Variants in DLGAP1 observed in about 807,000 individuals in gnomAD.
The protein encoded by DLGAP1 is disks large-associated protein 1.
In DLGAP1, 11 loss-of-function variants were observed where a neutral mutation model predicts 90.8. The ratio of observed to expected loss-of-function variants is 0.12; its 90% CI spans 0.08 to 0.20. The LOEUF (loss-of-function observed/expected upper bound fraction) is 0.20, where lower values mean the gene tolerates loss of function less well. Ranked by LOEUF, DLGAP1 falls within the 10% of genes least tolerant of loss-of-function variation. DLGAP1 has a pLI of 1.00. For missense variants in DLGAP1, 1,050 were observed against 1,333.8 expected, an observed-to-expected ratio of 0.79 and a Z score of 3.31; for synonymous variants, 558 against 540.7, an observed-to-expected ratio of 1.03 and a Z score of -0.44.
intron 5 of DLGAP1, among the ~76,000 whole-genome samples, chr18:3,812,482 G>A (rs1010318298): frequency 6.6e-6 from 1 of 151,940 alleles, no homozygotes; most frequent in African/African-American, 2.4e-5. Flanking sequence ...ACCTTATCTG[G>A]AAATAGAGTC....
chr18:4,164,221 G>GC lies in DLGAP1; in HGVS notation c.-266-12935dup, dbSNP rs546508899. Among the ~76,000 whole-genome samples the GC allele has an allele frequency of 2.0e-3, 306 of 151,932 alleles. 1 individual carries two copies. Among genetic ancestry groups the GC allele is most frequent in the Non-Finnish European group, 2.5e-3 (169 of 67,970 alleles). Reference sequence around the variant, plus strand: ...GAGTCCCTAATTTAACGGATAAAAGGCCCAAGATACCATTAAAAAAAGAAA... The same window carrying GC: ...GAGTCCCTAATTTAACGGATAAAAGGCCCCAAGATACCATTAAAAAAAGAAA... On this transcript the variant is annotated intron_variant, in intron 1 of 12. Coordinates refer to ENST00000315677, the MANE Select transcript of DLGAP1 (RefSeq NM_004746.4).
chr18:4,112,031 T>C (rs1212803977), intron 2 of DLGAP1, among the ~76,000 whole-genome samples: 1 of 151,742 alleles, frequency 6.6e-6, no homozygotes, highest in Non-Finnish European at 1.5e-5. Flanking sequence ...TGGTTATTTA[T>C]TTGAGATCTT....
intron 1 of DLGAP1, among the ~76,000 whole-genome samples, chr18:4,169,962 C>T (rs960584680): frequency 4.6e-5 from 7 of 152,174 alleles, no homozygotes; most frequent in African/African-American, 1.7e-4. Context: ...AATCCACTCA[C>T]TCTACATTAC....
At chr18:3,659,720 C>T (rs1276716453) in intron 7 of DLGAP1, among the ~76,000 whole-genome samples, 1 of 152,114 alleles carries the variant, frequency 6.6e-6, no homozygotes, top group Non-Finnish European at 1.5e-5. Context: ...CACGCCTGAC[C>T]ACACCCAGCT....
chr18:4,189,711 G>A (rs554152342), intron 1 of DLGAP1, among the ~76,000 whole-genome samples: 60 of 152,178 alleles, frequency 3.9e-4, no homozygotes, highest in African/African-American at 1.3e-3. Context: ...GACTAAAAAC[G>A]TACTGTGAAA....
At chr18:4,332,430 T>G (rs746560678) in intron 1 of DLGAP1, among the ~76,000 whole-genome samples, 22 of 151,728 alleles carry the variant, frequency 1.4e-4, no homozygotes, top group Admixed American at 7.2e-4. Context: ...ATAACAAGGT[T>G]TTTTTTTAAA....
At chr18:4,300,556 CT>C (rs1364878193) in intron 1 of DLGAP1, among the ~76,000 whole-genome samples, 1 of 152,040 alleles carries the variant, frequency 6.6e-6, no homozygotes, top group African/African-American at 2.4e-5. Flanking sequence ...TGTTTTAAGC[CT>C]TACAGCCACA....
intron 7 of DLGAP1, among the ~76,000 whole-genome samples, chr18:3,697,592 T>G (rs1226576454): frequency 6.6e-6 from 1 of 152,036 alleles, no homozygotes; most frequent in African/African-American, 2.4e-5. Flanking sequence ...TGCTGAGGAG[T>G]GTTTTACTTT....
chr18:4,036,704 G>C lies in DLGAP1; in HGVS notation c.-158-31503C>G, dbSNP rs189982386. ...CAGAAAGTATACATTTTAAGCCACA[G>C]CTGTGTACCATTCAATCATTATGAT... On this transcript the variant is annotated intron_variant, in intron 2 of 12. Transcript: ENST00000315677. Among the ~76,000 whole-genome samples, 22 of 152,276 alleles carry C rather than the reference G, an allele frequency of 1.4e-4. 1 individual carries two copies. The East Asian group carries it at 3.3e-3, about 23-fold the overall frequency.
At chr18:3,918,275 G>A (rs560123467) in intron 3 of DLGAP1, among the ~76,000 whole-genome samples, 1 of 152,170 alleles carries the variant, frequency 6.6e-6, no homozygotes, top group African/African-American at 2.4e-5. Flanking sequence ...CTATGAAAAT[G>A]AAGCCATCCA....
intron 3 of DLGAP1, among the ~76,000 whole-genome samples, chr18:3,977,351 T>C (rs372729126): frequency 1.3e-5 from 2 of 152,068 alleles, no homozygotes; most frequent in East Asian, 3.9e-4. Context: ...GGATTACAGG[T>C]GTGAGTCACT....
chr18:4,018,773 T>C (rs940452581), intron 2 of DLGAP1, among the ~76,000 whole-genome samples: 3 of 152,216 alleles, frequency 2.0e-5, no homozygotes, highest in Admixed American at 6.5e-5. Context: ...CCTAGATATC[T>C]GTATTATGAC....
At chr18:4,014,357 G>T (rs1377162932) in intron 2 of DLGAP1, among the ~76,000 whole-genome samples, 1 of 152,080 alleles carries the variant, frequency 6.6e-6, no homozygotes, top group Non-Finnish European at 1.5e-5. Flanking sequence ...CAACTTTTAA[G>T]GACAAGTCCA....
intron 3 of DLGAP1, among the ~76,000 whole-genome samples, chr18:3,954,716 T>C (rs1278970402): frequency 6.6e-6 from 1 of 152,192 alleles, no homozygotes; most frequent in African/African-American, 2.4e-5. Flanking sequence ...AGGGATGAGA[T>C]ACTTCTTCCT....
chr18:3,712,109 G>A (rs2147236526), intron 7 of DLGAP1, among the ~76,000 whole-genome samples: 1 of 152,322 alleles, frequency 6.6e-6, no homozygotes, highest in Non-Finnish European at 1.5e-5. Flanking sequence ...CCTGAAGGCT[G>A]AGGCTGCAAA....
intron 5 of DLGAP1, among the ~76,000 whole-genome samples, chr18:3,802,551 G>A (rs1406497513): frequency 6.6e-6 from 1 of 152,030 alleles, no homozygotes; most frequent in Admixed American, 6.6e-5. Context: ...ATTCCAAATC[G>A]AATCCTTTCT....
intron 2 of DLGAP1, among the ~76,000 whole-genome samples, chr18:4,091,971 G>A (rs2075778924): frequency 6.6e-6 from 1 of 152,006 alleles, no homozygotes; most frequent in South Asian, 2.1e-4. Context: ...GACAGTATGG[G>A]CTAAGATAAA....
intron 3 of DLGAP1, among the ~76,000 whole-genome samples, chr18:3,960,440 A>G (rs73940352): frequency 2.3e-3 from 354 of 151,802 alleles, no homozygotes; most frequent in African/African-American, 8.1e-3. Flanking sequence ...GCCTGTACCT[A>G]TAGTCCCAGC....
intron 11 of DLGAP1, among the ~76,000 whole-genome samples, chr18:3,503,763 T>C (rs2050068277): frequency 6.6e-6 from 1 of 152,226 alleles, no homozygotes; most frequent in South Asian, 2.1e-4. Flanking sequence ...ACATTTTAAG[T>C]CCTTGGGTGC....
Sources: gnomAD v4.1 joint callset for allele counts (sites outside exome capture counted in the v4.1 genomes callset) on GRCh38, gnomAD v4.1.1 for gene constraint, MANE v1.5 for transcripts, NCBI Gene and HGNC (gene_info 2026-07-23, HGNC 2026-07-21) for gene names.